Variants in HAUS4 observed in about 807,000 individuals in gnomAD.
HAUS4 encodes HAUS augmin-like complex subunit 4.
In HAUS4, 34 loss-of-function variants were observed where a neutral mutation model predicts 50.6. The ratio of observed to expected loss-of-function variants is 0.67; its 90% confidence interval spans 0.51 to 0.90. HAUS4 has a LOEUF of 0.90. Among genes scored for constraint, HAUS4 ranks in the 40% least tolerant of loss-of-function variants. The probability of loss-of-function intolerance (pLI) is 0.00; values close to 1 mark genes in which losing one functional copy is unlikely to be tolerated. For synonymous variants in HAUS4, 149 were observed against 161.4 expected (o/e 0.92, Z 0.58); for missense variants, 370 against 428.7 (o/e 0.86, Z 1.21).
At chr14:22,953,681 C>T (rs1363754020) in intron 2 of HAUS4, among the ~76,000 whole-genome samples, 2 of 151,750 alleles carry the variant, frequency 1.3e-5, no homozygotes, top group African/African-American at 4.8e-5. Flanking sequence ...AGTGCAATGG[C>T]ACGATCTCGG....
intron 1 of HAUS4, among the ~76,000 whole-genome samples, chr14:22,956,322 G>A (rs1411355423): frequency 6.6e-6 from 1 of 152,104 alleles, no homozygotes; most frequent in Non-Finnish European, 1.5e-5. Flanking sequence ...GAGACATTAA[G>A]AATTAATAAC....
chr14:22,947,208 A>G lies in HAUS4; in HGVS notation c.871T>C (p.Tyr291His). Residue 291 changes from tyrosine to histidine, a missense_variant, in exon 9 of 10, where the codon TAC (tyrosine) becomes CAC (histidine). Coordinates refer to ENST00000541587, the MANE Select transcript of HAUS4 (RefSeq NM_001166269.2). ...TGAACTTCCACTTTCTCAACAGTGT[A>G]AGTGTCGGACAAAATCTTTAGCTCC... is the stretch of plus-strand genomic sequence containing the variant. ...MEELKILSDT[Y>H]TVEKVEVHRL... The G allele has an allele frequency of 6.2e-7, 1 of 1,608,702 alleles. No homozygotes were observed. The highest frequency in any genetic ancestry group is 1.7e-5 in the Admixed American group (1 of 59,890).
Position 22,952,586 on chromosome 14 carries a change from C to T in HAUS4, c.153G>A (p.Val51=). 2 of 1,614,008 alleles carry T rather than the reference C, an allele frequency of 1.2e-6. No individual in the cohort carries two copies. Among genetic ancestry groups the T allele is most frequent in the Non-Finnish European group, 8.5e-7 (1 of 1,179,952 alleles). The change falls in exon 3 of 10, where the codon GTG becomes GTA. Residue 51 remains valine, a synonymous_variant. Transcript: ENST00000541587. ...GGGTGAGGCTTAAGCCACTCTCATCCACATGCTGTGAGAGATTCAGGAGAA... is the reference window on the plus strand; with the variant it reads ...GGGTGAGGCTTAAGCCACTCTCATCTACATGCTGTGAGAGATTCAGGAGAA... ...SKLLLNLSQH[V]DESGLSLTLA... is the part of the protein sequence containing the mutation.
chr14:22,956,398 G>T (rs886616353), intron 1 of HAUS4, among the ~76,000 whole-genome samples: 2 of 152,114 alleles, frequency 1.3e-5, no homozygotes, highest in Non-Finnish European at 2.9e-5. Context: ...TCTGTTTATC[G>T]TTGATCTATG....
intron 2 of HAUS4, among the ~76,000 whole-genome samples, chr14:22,953,271 G>A (rs1330551430): frequency 2.0e-5 from 3 of 151,250 alleles, no homozygotes; most frequent in Non-Finnish European, 4.4e-5. Context: ...CACCTCCTGA[G>A]GAGCTGAGAC....
intron 2 of HAUS4, among the ~76,000 whole-genome samples, chr14:22,953,327 G>C (rs1566647960): frequency 1.3e-5 from 2 of 151,992 alleles, no homozygotes; most frequent in African/African-American, 4.8e-5. Flanking sequence ...TTTACAGACA[G>C]GGTCTCACTA....
In HAUS4 at chr14:22,955,177, C is replaced by T; in HGVS notation, c.-22-1G>A. 1.3e-6 allele frequency: 2 copies of T among 1,575,732 alleles called. No homozygotes were observed. The highest frequency in any genetic ancestry group is 1.7e-6 in the Non-Finnish European group (2 of 1,145,064). On this transcript the variant is annotated splice_acceptor_variant, in intron 1 of 9. Coordinates refer to ENST00000541587, the MANE Select transcript of HAUS4 (RefSeq NM_001166269.2). LOFTEE classifies it low-confidence loss of function (5UTR_SPLICE). ...CATTTGATTTTCTTGGGATTCTAAT[C>T]TGTGGAACCAAGAAGTGAAAGAAAA...
intron 8 of HAUS4, 41 bp from the exon 9 acceptor site, chr14:22,947,280 C>G (rs569093357): frequency 5.4e-5 from 73 of 1,358,996 alleles, no homozygotes; most frequent in Middle Eastern, 3.6e-4. Context: ...AGGAAGGTCC[C>G]TGATAGCAGC....
chr14:22,947,375 C>T lies in HAUS4; in HGVS notation c.840-136G>A, dbSNP rs72681990. On this transcript the variant is annotated intron_variant, in intron 8 of 9. Coordinates refer to ENST00000541587, the MANE Select transcript of HAUS4 (RefSeq NM_001166269.2). Reference sequence around the variant, plus strand: ...GATAAACAAGGTCACTCTGAATTCCCGAGCAATTGATCTCACAGTAAAGTG... The same window carrying T: ...GATAAACAAGGTCACTCTGAATTCCTGAGCAATTGATCTCACAGTAAAGTG... 213 of 746,374 alleles carry T rather than the reference C, an allele frequency of 2.9e-4. 1 individual carries two copies. In the African/African-American group the frequency reaches 3.1e-3, roughly 11 times the overall value. The allele number at this position is 746,374 out of a possible 1,614,324, so 46.2% of individuals were successfully genotyped here.
intron 2 of HAUS4, chr14:22,954,227 T>TG (rs2044817358): frequency 6.6e-6 from 1 of 152,220 alleles, no homozygotes; most frequent in Non-Finnish European, 1.5e-5. Context: ...TGCTCTCTGT[T>TG]GGGGTCTTTT....
rs781509615 is a variant in HAUS4 at position 22,951,300 on chromosome 14, C to T, written c.465+255G>A. Among the ~76,000 whole-genome samples the T allele has an allele frequency of 2.7e-4, 41 of 152,068 alleles. 1 individual carries two copies. The highest frequency in any genetic ancestry group is 4.4e-4 in the Non-Finnish European group (30 of 67,984). ...GATTATAGGCGGAAGTCACTACACTCGGCCTTATACTCTCTATATAAGCAT... is the reference window on the plus strand; with the variant it reads ...GATTATAGGCGGAAGTCACTACACTTGGCCTTATACTCTCTATATAAGCAT... On this transcript the variant is annotated intron_variant, in intron 5 of 9. Transcript: ENST00000541587.
At chr14:22,948,459 G>GT (rs1476905079) in intron 6 of HAUS4, among the ~76,000 whole-genome samples, 6 of 140,946 alleles carry the variant, frequency 4.3e-5, no homozygotes, top group Non-Finnish European at 7.8e-5. Context: ...AAAAGCGGGG[G>GT]GGGGGAGGGC....
chr14:22,947,239 C>T lies in HAUS4; in HGVS notation c.840G>A (p.Arg280=), dbSNP rs1250335037. The change falls in exon 9 of 10, where the codon AGG becomes AGA. Residue 280 remains arginine (R), a splice_region_variant and synonymous_variant. Transcript: ENST00000541587. ...VKCGAMILKL[R]MEELKILSDT... ...CGGACAAAATCTTTAGCTCCTCCAT[C>T]CTGACAGAGGGAAGAAAGAAATGTC... 1 of 1,600,136 alleles carries T rather than the reference C, an allele frequency of 6.2e-7. No individual in the cohort carries two copies. Among genetic ancestry groups the T allele is most frequent in the South Asian group, 1.1e-5 (1 of 90,824 alleles).
chr14:22,946,605 C>T lies in HAUS4; in HGVS notation c.1012G>A (p.Val338Met), dbSNP rs754140448. 1 of 1,614,006 alleles carries T rather than the reference C, an allele frequency of 6.2e-7. No homozygotes were observed. Among genetic ancestry groups the T allele is most frequent in the South Asian group, 1.1e-5 (1 of 91,076 alleles). ...EVLGEEFDRLVKEYTVLKQAT... is the reference protein window; with the variant it reads ...EVLGEEFDRLMKEYTVLKQAT... ...TGCTTGAGTACGGTGTACTCTTTCA[C>T]CAGCCTGTCAAACTCCTCCCCAAGG... The change falls in exon 10 of 10, where the codon GTG (valine) becomes ATG (methionine). Residue 338 changes from valine to methionine, a missense_variant. Val to Met is a conservative substitution (Grantham distance 21, BLOSUM62 1). Coordinates refer to ENST00000541587, the MANE Select transcript of HAUS4 (RefSeq NM_001166269.2).
Position 22,950,329 on chromosome 14 carries a change from A to C in HAUS4, c.547T>G (p.Tyr183Asp). The change falls in exon 6 of 10, where the codon TAT becomes GAT. Residue 183 changes from tyrosine (Y) to aspartate (D), a missense_variant. Tyr to Asp is a radical substitution (Grantham distance 160). Coordinates refer to ENST00000541587, the MANE Select transcript of HAUS4 (RefSeq NM_001166269.2). The part of the protein sequence containing the change: ...KKKCFTLLCY[Y>D]DPNSDADSET... ...TAGCACTCACCTGAATTGGGATCAT[A>C]GTAGCAGAGCAGAGTGAAACATTTC... 6.2e-7 allele frequency: 1 copy of C among 1,604,008 alleles called. No individual in the cohort carries two copies. Among genetic ancestry groups the C allele is most frequent in the South Asian group, 1.1e-5 (1 of 90,888 alleles).
intron 5 of HAUS4, 104 bp from the exon 6 acceptor site, chr14:22,950,514 T>C (rs1246782841): frequency 6.1e-6 from 4 of 653,722 alleles, no homozygotes; most frequent in Non-Finnish European, 1.1e-5. Context: ...CCAAAGAAAA[T>C]GCATCAAGAG....
At chr14:22,953,400 G>C (rs1040136091) in intron 2 of HAUS4, among the ~76,000 whole-genome samples, 1 of 152,004 alleles carries the variant, frequency 6.6e-6, no homozygotes, top group Non-Finnish European at 1.5e-5. Context: ...GCATCTCAAA[G>C]TGCTGGGATT....
In HAUS4 at chr14:22,951,628, C is replaced by T. The variant is rs771259840; in HGVS notation, c.392G>A (p.Ser131Asn). Residue 131 changes from serine (S) to asparagine (N), a missense_variant, in exon 5 of 10, where the codon AGC (serine) becomes AAC (asparagine). By Grantham distance (46) the Ser-to-Asn change is conservative (BLOSUM62 1). Transcript: ENST00000541587. ...VTELMRLLGP[S>N]QEREIPPLLG... The stretch of plus-strand genomic sequence containing the variant: ...CAGTGGAGGTATCTCCCTCTCCTGG[C>T]TAGGACCTAAGAGCCGCATCAGTTC... 16 of 1,613,848 alleles carry T rather than the reference C, an allele frequency of 9.9e-6. No homozygotes were observed. Among genetic ancestry groups the T allele is most frequent in the African/African-American group, 1.3e-5 (1 of 74,892 alleles).
chr14:22,952,898 A>AT (rs1272402283), intron 2 of HAUS4, among the ~76,000 whole-genome samples: 1 of 152,198 alleles, frequency 6.6e-6, no homozygotes, highest in Non-Finnish European at 1.5e-5. Flanking sequence ...TTAAGGGGGA[A>AT]TAAGTAATAA....
Sources: allele counts gnomAD v4.1 joint callset (sites outside exome capture counted in the v4.1 genomes callset), GRCh38; gene constraint gnomAD v4.1.1; transcripts MANE v1.5; gene names NCBI Gene and HGNC (gene_info 2026-07-23, HGNC 2026-07-21).